MAPK10: variants seen among roughly 807,000 people sequenced by gnomAD.
MAPK10 encodes the protein mitogen-activated protein kinase 10, also known as JNK3 alpha protein kinase.
MAPK10 carries 25 observed loss-of-function variants against 59.3 expected under a neutral mutation model. That is an observed-to-expected ratio of 0.42 (90% CI 0.31 to 0.59). The LOEUF (loss-of-function observed/expected upper bound fraction) is 0.59. MAPK10 is among the 20% of genes least tolerant of loss of function. The pLI, the probability that MAPK10 is intolerant of heterozygous loss-of-function variation, is 0.15. For synonymous variants in MAPK10, 190 were observed against 200.5 expected, an observed-to-expected ratio of 0.95 and a Z score of 0.44; for missense variants, 351 against 568.9, an observed-to-expected ratio of 0.62 and a Z score of 3.90.
intron 1 of MAPK10, among the ~76,000 whole-genome samples, chr4:86,560,731 A>G (rs1277036762): frequency 6.6e-6 from 1 of 152,252 alleles, no homozygotes; most frequent in African/African-American, 2.4e-5. Flanking sequence ...AAACTGTGCA[A>G]TAATCCTTTT....
chr4:86,029,555 T>C (rs1406282296), intron 12 of MAPK10, among the ~76,000 whole-genome samples: 1 of 152,228 alleles, frequency 6.6e-6, no homozygotes, highest in East Asian at 1.9e-4. Context: ...ATAGTATTTA[T>C]TTCTACATAC....
chr4:86,067,799 G>T lies in MAPK10; in HGVS notation c.959C>A (p.Ala320Glu), dbSNP rs757125320. The change falls in exon 10 of 14, where the codon GCG (alanine) becomes GAG (glutamate). Residue 320 changes from alanine to glutamate, a missense_variant. Physicochemically the swap from Ala to Glu is moderately radical, Grantham distance 107 (BLOSUM62 -1). This residue lies in a region of MAPK10 where 155 missense variants were observed against 204.2 expected (regional missense o/e 0.76). Coordinates refer to ENST00000641462, the MANE Select transcript of MAPK10 (RefSeq NM_138982.4). The part of the protein sequence containing the change: ...PKLFPDSLFP[A>E]DSEHNKLKAS... ...TTTGAGTTTATTGTGCTCGGAGTCC[G>T]CTGGGAAGAGGGAATCTGGGAAGAG... 2.5e-6 allele frequency: 4 copies of T among 1,613,024 alleles called. No individual in the cohort carries two copies. The highest frequency in any genetic ancestry group is 3.4e-6 in the Non-Finnish European group (4 of 1,179,406).
At chr4:86,530,687 GATACT>G (rs1757788343) in intron 1 of MAPK10, among the ~76,000 whole-genome samples, 1 of 152,108 alleles carries the variant, frequency 6.6e-6, no homozygotes, top group Non-Finnish European at 1.5e-5. Context: ...TGTTTATAAG[GATACT>G]AATCCCATTC....
At chr4:86,090,094 C>G (rs1372405854) in intron 9 of MAPK10, among the ~76,000 whole-genome samples, 1 of 151,996 alleles carries the variant, frequency 6.6e-6, no homozygotes, top group Non-Finnish European at 1.5e-5. Context: ...GCAGAGCGCA[C>G]AGAGGGAGGG....
At chr4:86,076,058 T>C (rs2049323702) in intron 9 of MAPK10, among the ~76,000 whole-genome samples, 1 of 152,130 alleles carries the variant, frequency 6.6e-6, no homozygotes, top group East Asian at 1.9e-4. Flanking sequence ...TCCGTGGGCG[T>C]AGGACCCTCC....
At chr4:86,590,002 G>T (rs1262341468) in intron 1 of MAPK10, among the ~76,000 whole-genome samples, 3 of 150,460 alleles carry the variant, frequency 2.0e-5, no homozygotes, top group African/African-American at 7.3e-5. Flanking sequence ...AAAAAAAAGG[G>T]AATAGCAAAG....
chr4:86,508,867 A>AT (rs1755993907), intron 1 of MAPK10, among the ~76,000 whole-genome samples: 2 of 152,188 alleles, frequency 1.3e-5, no homozygotes, highest in African/African-American at 4.8e-5. Flanking sequence ...ACATTCAGGC[A>AT]TGTCAAGCTT....
At chr4:86,025,816 A>G (rs1388868098) in intron 13 of MAPK10, among the ~76,000 whole-genome samples, 1 of 152,190 alleles carries the variant, frequency 6.6e-6, no homozygotes, top group African/African-American at 2.4e-5. Context: ...AAACATTGTT[A>G]TGGGGGAAAA....
intron 2 of MAPK10, among the ~76,000 whole-genome samples, chr4:86,222,952 C>A (rs1181191825): frequency 2.0e-5 from 3 of 152,074 alleles, no homozygotes; most frequent in African/African-American, 4.8e-5. Flanking sequence ...GCCATTGTCC[C>A]CCACACAGTA....
chr4:86,083,897 G>T (rs2149035447), intron 9 of MAPK10, among the ~76,000 whole-genome samples: 1 of 152,260 alleles, frequency 6.6e-6, no homozygotes, highest in Non-Finnish European at 1.5e-5. Context: ...TCAGAGTTGT[G>T]AGGCCTCCCT....
chr4:86,286,758 A>G (rs1314675651), intron 2 of MAPK10, among the ~76,000 whole-genome samples: 2 of 152,132 alleles, frequency 1.3e-5, no homozygotes, highest in Non-Finnish European at 2.9e-5. Flanking sequence ...GAGAGGGGGA[A>G]GGTTGTCATC....
At chr4:86,437,398 G>C (rs558446357) in intron 1 of MAPK10, among the ~76,000 whole-genome samples, 1 of 151,674 alleles carries the variant, frequency 6.6e-6, no homozygotes, top group Non-Finnish European at 1.5e-5. Flanking sequence ...CTTGTATTCT[G>C]TTATTTGTGC....
intron 1 of MAPK10, among the ~76,000 whole-genome samples, chr4:86,355,699 A>T (rs1021215816): frequency 3.9e-5 from 6 of 152,112 alleles, no homozygotes; most frequent in Non-Finnish European, 8.8e-5. Flanking sequence ...TCAGTCCCTG[A>T]TGGGGATTAA....
chr4:86,237,072 T>G (rs1482329215), intron 2 of MAPK10, among the ~76,000 whole-genome samples: 1 of 152,080 alleles, frequency 6.6e-6, no homozygotes, highest in East Asian at 1.9e-4. Context: ...CTCCCACTTA[T>G]GAGTGAGAAC....
intron 1 of MAPK10, among the ~76,000 whole-genome samples, chr4:86,574,533 G>A (rs1336992719): frequency 1.3e-5 from 2 of 152,016 alleles, no homozygotes; most frequent in Non-Finnish European, 2.9e-5. Context: ...CGGTGTAAAA[G>A]TGTTCCTATT....
At chr4:86,166,821 G>A (rs1581699910) in intron 3 of MAPK10, among the ~76,000 whole-genome samples, 2 of 151,966 alleles carry the variant, frequency 1.3e-5, no homozygotes, top group Non-Finnish European at 2.9e-5. Context: ...TAAAACTAGA[G>A]AAGCAAGAGC....
In MAPK10 at chr4:86,354,771, T is replaced by C. The variant is rs1326519176; in HGVS notation, c.-121-127A>G. 5 of 391,332 alleles carry C rather than the reference T, an allele frequency of 1.3e-5. No individual in the cohort carries two copies. In the East Asian group the frequency reaches 1.8e-4, roughly 14 times the overall value. 24.2% of individuals were successfully genotyped at this position (391,332 alleles called of 1,614,324 possible). ...GTGAGTGTAGGCAGAGGAAAGAAAA[T>C]ATCTCAAGGTAATTATCTCTATTCA... is the stretch of plus-strand genomic sequence containing the variant. On this transcript the variant is annotated intron_variant, in intron 1 of 13. Transcript: ENST00000641462.
rs529680803 is a variant in MAPK10, at chr4:86,589,794, A to C, written c.-263+4116T>G. Among the ~76,000 whole-genome samples the C allele has an allele frequency of 3.9e-4, 59 of 151,660 alleles. 1 individual carries two copies. The South Asian group carries it at 0.012, about 32-fold the overall frequency. On this transcript the variant is annotated intron_variant, in intron 1 of 4. Transcript: ENST00000502302. ...GCCAGAATCGTTTACAAAGAGATATATTTCAACTTGAAACCCCGTCTCTAC... is the reference window on the plus strand; with the variant it reads ...GCCAGAATCGTTTACAAAGAGATATCTTTCAACTTGAAACCCCGTCTCTAC...
At chr4:86,284,829 A>T (rs1480734639) in intron 2 of MAPK10, among the ~76,000 whole-genome samples, 1 of 152,222 alleles carries the variant, frequency 6.6e-6, no homozygotes, top group Non-Finnish European at 1.5e-5. Flanking sequence ...TGCAGTACAT[A>T]TGCAGTAGGA....
Sources: gnomAD v4.1 joint callset for allele counts (sites outside exome capture counted in the v4.1 genomes callset) on GRCh38, gnomAD v4.1.1 for gene constraint, gnomAD v4.1.1 regional missense constraint, MANE v1.5 for transcripts, NCBI Gene and HGNC (gene_info 2026-07-23, HGNC 2026-07-21) for gene names.